The following VGLL1 variants were observed in gnomAD, a reference collection of about 807,000 sequenced individuals.
The protein encoded by VGLL1 is vestigial like family member 1.
A neutral mutation model predicts 12.0 loss-of-function variants in VGLL1; 4 were observed. That is an observed-to-expected ratio of 0.33 (90% CI 0.16 to 0.76). VGLL1 has a LOEUF of 0.76. Among genes scored for constraint, VGLL1 ranks in the 30% least tolerant of loss-of-function variants. VGLL1 has a pLI of 0.60. For synonymous variants in VGLL1, 87 were observed against 81.2 expected (o/e 1.07, Z -0.39); for missense variants, 204 against 208.7 (o/e 0.98, Z 0.14).
chrX:136,533,010 A>C (rs1482824289), intron 1 of VGLL1, among the ~76,000 whole-genome samples: 1 of 111,288 alleles, frequency 9.0e-6, no homozygotes, highest in Non-Finnish European at 1.9e-5. Flanking sequence ...CAATTAATTC[A>C]TGAATGAAGA....
chrX:136,533,053 GCTC>G (rs1157588015), intron 1 of VGLL1, among the ~76,000 whole-genome samples: 1 of 111,171 alleles, frequency 9.0e-6, no homozygotes, highest in Non-Finnish European at 1.9e-5. Flanking sequence ...TGAGGATGAA[GCTC>G]CTCATGTTTC....
chrX:136,539,174 A>C (rs2075848987), intron 2 of VGLL1, among the ~76,000 whole-genome samples: 1 of 112,049 alleles, frequency 8.9e-6, no homozygotes, highest in Non-Finnish European at 1.9e-5. Context: ...CATTATAATC[A>C]TTCCCTTGTA....
Position 136,532,648 on chromosome X carries a change from TCTTTCTTTCTTTC to T in VGLL1, c.-26+353_-26+365del, listed in dbSNP as rs1345541660. ...TTCTTTCTTTCTTTCTTTCTTTCTT[TCTTTCTTTCTTTC>T]TTTTTCTTTCTTTCTTCTTTCTTTC... is the stretch of plus-strand genomic sequence containing the variant. On this transcript the variant is annotated intron_variant, in intron 1 of 4. Coordinates refer to ENST00000370634, the MANE Select transcript of VGLL1 (RefSeq NM_016267.4). 6.5e-4 allele frequency among the ~76,000 whole-genome samples: 49 copies of T among 75,634 alleles called. 1 individual carries two copies. The highest frequency in any genetic ancestry group is 2.2e-3 in the African/African-American group (47 of 21,190). 65.7% of individuals were successfully genotyped at this position (75,634 alleles called of 115,157 possible).
At chrX:136,532,641 CTTTCTTTCTTTCTTTCT>C (rs1179286073) in intron 1 of VGLL1, among the ~76,000 whole-genome samples, 2 of 88,434 alleles carry the variant, frequency 2.3e-5, no homozygotes, top group African/African-American at 8.6e-5. Context: ...TTCTTTCTTT[CTTTCTTTCTTTCTTTCT>C]TTCTTTTTCT....
chrX:136,536,380 T>C (rs3027861), intron 2 of VGLL1, 146 bp downstream of exon 2: 44,275 of 537,658 alleles, frequency 0.082, 5,014 homozygotes, highest in African/African-American at 0.54. Flanking sequence ...ACACCCCTTC[T>C]TAGAAGTTTA....
At chrX:136,548,459 G>C in intron 2 of VGLL1, 130 bp from the exon 3 acceptor site, 1 of 682,704 alleles carries the variant, frequency 1.5e-6, no homozygotes, top group Non-Finnish European at 2.2e-6. Flanking sequence ...ATTATCATTA[G>C]GATGATTTTA....
At chrX:136,539,525 G>A (rs1240677549) in intron 2 of VGLL1, among the ~76,000 whole-genome samples, 1 of 111,082 alleles carries the variant, frequency 9.0e-6, no homozygotes, top group Admixed American at 9.6e-5. Flanking sequence ...TACCTACTTC[G>A]CTTGCAGTCA....
chrX:136,540,211 C>A (rs778825007), intron 2 of VGLL1, among the ~76,000 whole-genome samples: 1 of 111,736 alleles, frequency 8.9e-6, no homozygotes, highest in East Asian at 2.8e-4. Flanking sequence ...TTGTTTGAAA[C>A]CCTCTGACAG....
At chrX:136,544,587 C>T (rs1392580589) in intron 2 of VGLL1, among the ~76,000 whole-genome samples, 1 of 112,334 alleles carries the variant, frequency 8.9e-6, no homozygotes, top group Non-Finnish European at 1.9e-5. Flanking sequence ...TTCTGGGTCT[C>T]GATTTTCTCA....
intron 1 of VGLL1, among the ~76,000 whole-genome samples, 158 bp from the exon 2 acceptor site, chrX:136,535,838 C>T (rs1366155969): frequency 4.5e-5 from 5 of 111,298 alleles, no homozygotes; most frequent in African/African-American, 9.9e-5. Context: ...TCAACAGCAT[C>T]GTCATTGACC....
chrX:136,553,203 G>A (rs1204730583), intron 4 of VGLL1, among the ~76,000 whole-genome samples: 3 of 110,101 alleles, frequency 2.7e-5, no homozygotes, highest in Non-Finnish European at 5.7e-5. Context: ...TTGCCTGATG[G>A]TACGAACCAC....
chrX:136,548,922 A>T lies in VGLL1; in HGVS notation c.548A>T (p.Glu183Val). Reference protein sequence around the residue: ...QQDRCLARPQESAARENGNPG... With the variant: ...QQDRCLARPQVSAARENGNPG... ...GACAGATGCCTAGCCCGTCCTCAGG[A>T]ATCTGCCGCCAGGGAGAATGGCAAC... The change falls in exon 3 of 5, where the codon GAA (glutamate) becomes GTA (valine). Residue 183 changes from glutamate to valine, a missense_variant. Coordinates refer to ENST00000370634, the MANE Select transcript of VGLL1 (RefSeq NM_016267.4). The T allele has an allele frequency of 8.2e-7, 1 of 1,212,170 alleles. No individual in the cohort carries two copies.
intron 4 of VGLL1, among the ~76,000 whole-genome samples, chrX:136,554,020 T>C (rs978920336): frequency 2.0e-4 from 22 of 112,674 alleles, no homozygotes; most frequent in African/African-American, 6.4e-4. Flanking sequence ...ATATTGCTAA[T>C]TGCCAGATAC....
At chrX:136,537,705 A>G (rs2075843831) in intron 2 of VGLL1, among the ~76,000 whole-genome samples, 1 of 109,793 alleles carries the variant, frequency 9.1e-6, no homozygotes, top group South Asian at 3.9e-4. Flanking sequence ...AATTACAGGT[A>G]TGCGCCACCA....
chrX:136,551,723 C>G (rs897054214), intron 4 of VGLL1, among the ~76,000 whole-genome samples: 1 of 111,407 alleles, frequency 9.0e-6, no homozygotes, highest in Non-Finnish European at 1.9e-5. Context: ...TACATTAAAC[C>G]ATCAAGAATT....
At chrX:136,551,009 A>G (rs1441886101) in intron 4 of VGLL1, 188 bp downstream of exon 4, 2 of 419,576 alleles carry the variant, frequency 4.8e-6, no homozygotes, top group Non-Finnish European at 8.3e-6. Context: ...TAGCCTCAAA[A>G]AAGAGTATAT....
chrX:136,542,506 G>A (rs939914264), intron 2 of VGLL1, among the ~76,000 whole-genome samples: 1 of 112,493 alleles, frequency 8.9e-6, no homozygotes, highest in African/African-American at 3.2e-5. Flanking sequence ...AGAGGGGTAC[G>A]GTGTGCTTCT....
intron 3 of VGLL1, among the ~76,000 whole-genome samples, chrX:136,550,094 A>G (rs2075881520): frequency 8.9e-6 from 1 of 112,330 alleles, no homozygotes; most frequent in African/African-American, 3.2e-5. Flanking sequence ...TTAAAATACC[A>G]CTCTGTCATT....
intron 1 of VGLL1, among the ~76,000 whole-genome samples, chrX:136,532,773 G>A (rs2075829461): frequency 9.4e-6 from 1 of 105,883 alleles, no homozygotes; most frequent in African/African-American, 3.5e-5. Flanking sequence ...CTTGTGAGAT[G>A]GGGAAGTTGC....
Sources: gnomAD v4.1 joint callset for allele counts (sites outside exome capture counted in the v4.1 genomes callset) on GRCh38, gnomAD v4.1.1 for gene constraint, MANE v1.5 for transcripts, NCBI Gene and HGNC (gene_info 2026-07-23, HGNC 2026-07-21) for gene names.